The following FBXO5 variants were observed in gnomAD, a reference collection of about 807,000 sequenced individuals.
FBXO5 encodes F-box protein 5, also known as F-box only protein 5.
FBXO5 carries 8 observed loss-of-function variants against 43.3 expected under a neutral mutation model. The observed-to-expected ratio is 0.18, with a 90% CI of 0.11 to 0.33. The LOEUF (loss-of-function observed/expected upper bound fraction) is 0.33. Ranked by LOEUF, FBXO5 falls within the 10% of genes least tolerant of loss-of-function variation. The probability of loss-of-function intolerance (pLI) is 1.00; values close to 1 mark genes in which losing one functional copy is unlikely to be tolerated. For missense variants in FBXO5, 491 were observed against 535.7 expected, an observed-to-expected ratio of 0.92 and a Z score of 0.82; for synonymous variants, 204 against 193.7, an observed-to-expected ratio of 1.05 and a Z score of -0.44.
Position 152,973,106 on chromosome 6 carries a change from C to A in FBXO5, c.849G>T (p.Lys283Asn). 6.2e-7 allele frequency: 1 copy of A among 1,613,894 alleles called. No individual in the cohort carries two copies. The highest frequency in any genetic ancestry group is 8.5e-7 in the Non-Finnish European group (1 of 1,179,890). ...NVSKVSTTWK[K>N]ILEDDKGAFQ... ...ATGCCCCCTTATCATCTTCTAGGAT[C>A]TTCTTCCAAGTTGTGCTCACTTTAG... Residue 283 changes from lysine to asparagine, a missense_variant, in exon 3 of 5, where the codon AAG becomes AAT. Transcript: ENST00000229758.
In FBXO5 at chr6:152,975,445, A is replaced by G. The variant is rs1417584533; in HGVS notation, c.280T>C (p.Ser94Pro). ...CTCACAATCGGTGACCCAATACATG[A>G]CAGCCTTTCATAGTCTTTAATGCAG... ...KDCIKDYERL[S>P]CIGSPIVSPR... The change falls in exon 2 of 5, where the codon TCA becomes CCA. Residue 94 changes from serine to proline, a missense_variant. By Grantham distance (74) the Ser-to-Pro change is moderately conservative (BLOSUM62 -1). Transcript: ENST00000229758. The G allele has an allele frequency of 1.2e-6, 2 of 1,614,108 alleles. No individual in the cohort carries two copies. Among genetic ancestry groups the G allele is most frequent in the East Asian group, 2.2e-5 (1 of 44,880 alleles).
In FBXO5 at chr6:152,980,315, T is replaced by C. The variant is rs1046581285; in HGVS notation, c.103+2542A>G. ...GAAAGATATTAATTAGGGATGATCTTTCAGCAAAGCTGACATTCTGAGATC... is the reference window on the plus strand; with the variant it reads ...GAAAGATATTAATTAGGGATGATCTCTCAGCAAAGCTGACATTCTGAGATC... On this transcript the variant is annotated intron_variant, in intron 1 of 4. Transcript: ENST00000229758. 3.3e-5 allele frequency among the ~76,000 whole-genome samples: 5 copies of C among 152,228 alleles called. No homozygotes were observed. In the East Asian group the frequency reaches 9.6e-4, roughly 29 times the overall value.
At chr6:152,983,156 G>A (rs1458841474), upstream of FBXO5, 10 of 404,556 alleles carry the variant, frequency 2.5e-5, no homozygotes, top group Non-Finnish European at 3.9e-5. Flanking sequence ...GCAGTGGGTG[G>A]GGGCGCCCTC....
chr6:152,979,970 T>C (rs1778236260), intron 1 of FBXO5, among the ~76,000 whole-genome samples: 1 of 152,232 alleles, frequency 6.6e-6, no homozygotes, highest in African/African-American at 2.4e-5. Context: ...GATTTAATTT[T>C]AAAATATGAA....
rs370569107 is a variant in FBXO5 at position 152,975,407 on chromosome 6, T to C, written c.318A>G (p.Val106=). 130 of 1,613,826 alleles carry C rather than the reference T, an allele frequency of 8.1e-5. No individual in the cohort carries two copies. In the East Asian group the frequency reaches 1.2e-3, roughly 15 times the overall value. ...AGCGCTTGCTTTCAGTTTCAAGTTG[T>C]ACAATCCTAGGGCTCACAATCGGTG... The part of the protein sequence containing the change: ...IGSPIVSPRI[V]QLETESKRLH... The change falls in exon 2 of 5, where the codon GTA becomes GTG. Residue 106 remains valine (V), a synonymous_variant. Transcript: ENST00000229758.
intron 2 of FBXO5, chr6:152,973,398 A>G: frequency 2.7e-6 from 1 of 365,624 alleles, no homozygotes; most frequent in East Asian, 4.6e-5. Context: ...GTATTTTTTC[A>G]CAATATCTGC....
In FBXO5 at chr6:152,983,006, G is replaced by A. The variant is rs1006723120; in HGVS notation, c.-47C>T. The A allele has an allele frequency of 2.9e-5, 35 of 1,201,198 alleles. No homozygotes were observed. Among genetic ancestry groups the A allele is most frequent in the South Asian group, 3.8e-5 (2 of 52,928 alleles). 74.4% of individuals were successfully genotyped at this position (1,201,198 alleles called of 1,614,324 possible). A position where few individuals can be genotyped will look rare whatever the true frequency, so the allele number is the denominator to read the frequency against. On this transcript the variant is annotated 5_prime_UTR_variant, in exon 1 of 5. Coordinates refer to ENST00000229758, the MANE Select transcript of FBXO5 (RefSeq NM_012177.5). ...CTCAGGTGGAGGAACCGCTCCGGGG[G>A]CAGCTGAGCAACCTGCCTGCTTCAC...
At chr6:152,980,629 A>G (rs1461059198) in intron 1 of FBXO5, among the ~76,000 whole-genome samples, 4 of 152,156 alleles carry the variant, frequency 2.6e-5, no homozygotes, top group Non-Finnish European at 4.4e-5. Flanking sequence ...TTATGACAGA[A>G]GTAGAGTGTG....
chr6:152,974,978 T>G lies in FBXO5; in HGVS notation c.747A>C (p.Glu249Asp). ...MGLECVDILS[E>D]LFRRGLRHVL... ...CATGTCTGAGTCCCCTTCGAAAGAGTTCGCTGAGAATATCTACACATTCTA... is the reference window on the plus strand; with the variant it reads ...CATGTCTGAGTCCCCTTCGAAAGAGGTCGCTGAGAATATCTACACATTCTA... The change falls in exon 2 of 5, where the codon GAA becomes GAC. Residue 249 changes from glutamate (E) to aspartate (D), a missense_variant. Glu to Asp is a conservative substitution (Grantham distance 45). Coordinates refer to ENST00000229758, the MANE Select transcript of FBXO5 (RefSeq NM_012177.5). 1 of 1,613,604 alleles carries G rather than the reference T, an allele frequency of 6.2e-7. No individual in the cohort carries two copies. The highest frequency in any genetic ancestry group is 8.5e-7 in the Non-Finnish European group (1 of 1,179,880).
At chr6:152,973,267 A>G (rs1778114774) in intron 2 of FBXO5, 131 bp from the exon 3 acceptor site, 1 of 693,016 alleles carries the variant, frequency 1.4e-6, no homozygotes, top group African/African-American at 1.8e-5. Flanking sequence ...TGACCACATT[A>G]CAATTGCCTG....
chr6:152,982,316 T>C (rs1488226152), intron 1 of FBXO5, among the ~76,000 whole-genome samples: 1 of 151,914 alleles, frequency 6.6e-6, no homozygotes, highest in African/African-American at 2.4e-5. Flanking sequence ...GCGAGCGCGA[T>C]CTCCCGCGCC....
chr6:152,980,213 C>G (rs975376540), intron 1 of FBXO5, among the ~76,000 whole-genome samples: 62 of 152,228 alleles, frequency 4.1e-4, no homozygotes, highest in African/African-American at 1.4e-3. Context: ...TTGAATGAAA[C>G]AGATGAGGGC....
chr6:152,974,545 T>C (rs1350869861), intron 2 of FBXO5, among the ~76,000 whole-genome samples: 2 of 152,196 alleles, frequency 1.3e-5, no homozygotes, highest in East Asian at 1.9e-4. Context: ...TAGTGGCACA[T>C]AGGTAGCAAA....
intron 1 of FBXO5, among the ~76,000 whole-genome samples, chr6:152,976,194 T>C (rs576278417): frequency 6.6e-6 from 1 of 152,274 alleles, no homozygotes; most frequent in South Asian, 2.1e-4. Context: ...TTGATAAAAA[T>C]AATAAAAATT....
At chr6:152,981,797 TAG>T (rs1215199706) in intron 1 of FBXO5, among the ~76,000 whole-genome samples, 1 of 152,142 alleles carries the variant, frequency 6.6e-6, no homozygotes, top group African/African-American at 2.4e-5. Flanking sequence ...TTTTTAATAA[TAG>T]AGTCATTACA....
Position 152,970,865 on chromosome 6 carries a change from T to C in FBXO5, c.*298A>G, listed in dbSNP as rs1269259096. 2 of 225,174 alleles carry C rather than the reference T, an allele frequency of 8.9e-6. No individual in the cohort carries two copies. Among genetic ancestry groups the C allele is most frequent in the South Asian group, 1.1e-4 (1 of 9,400 alleles). The allele number at this position is 225,174 out of a possible 1,614,324, so 13.9% of individuals were successfully genotyped here. ...TCTAGGTAAAATTGCATGGGTTTCC[T>C]TTACCATAAAATTGAATCAATTTTT... is the stretch of plus-strand genomic sequence containing the variant. On this transcript the variant is annotated 3_prime_UTR_variant, in exon 5 of 5. Coordinates refer to ENST00000229758, the MANE Select transcript of FBXO5 (RefSeq NM_012177.5).
At chr6:152,980,672 TGA>T (rs1336209321) in intron 1 of FBXO5, among the ~76,000 whole-genome samples, 3 of 152,262 alleles carry the variant, frequency 2.0e-5, no homozygotes, top group Admixed American at 2.0e-4. Context: ...GTAGTGGAAA[TGA>T]AAATAACTGC....
Position 152,975,539 on chromosome 6 carries a change from C to T in FBXO5, c.186G>A (p.Leu62=). 6.2e-7 allele frequency: 1 copy of T among 1,613,084 alleles called. No individual in the cohort carries two copies. Among genetic ancestry groups the T allele is most frequent in the South Asian group, 1.1e-5 (1 of 90,842 alleles). The change falls in exon 2 of 5, where the codon CTG becomes CTA. Residue 62 remains leucine, a synonymous_variant. Transcript: ENST00000229758. ...GTCTTCCAATGTCATCAGGTTTTACCAGTTTAAGTCCGGAATGAACATGGT... is the reference window on the plus strand; with the variant it reads ...GTCTTCCAATGTCATCAGGTTTTACTAGTTTAAGTCCGGAATGAACATGGT... ...NCNHVHSGLK[L]VKPDDIGRLV...
intron 1 of FBXO5, among the ~76,000 whole-genome samples, chr6:152,980,270 A>G (rs180792265): frequency 1.3e-5 from 2 of 152,306 alleles, no homozygotes; most frequent in Admixed American, 6.5e-5. Context: ...ACATCCATTC[A>G]GTGACAGGGT....
Sources: gnomAD v4.1 joint callset for allele counts (sites outside exome capture counted in the v4.1 genomes callset) on GRCh38, gnomAD v4.1.1 for gene constraint, MANE v1.5 for transcripts, NCBI Gene and HGNC (gene_info 2026-07-23, HGNC 2026-07-21) for gene names.